The following SLF1 variants were observed in gnomAD, a reference collection of about 807,000 sequenced individuals.
The protein encoded by SLF1 is SMC5-SMC6 complex localization factor protein 1.
SLF1 carries 105 observed loss-of-function variants against 123.0 expected under a neutral mutation model. That is an observed-to-expected ratio of 0.85 (90% CI 0.73 to 1.00). The LOEUF (loss-of-function observed/expected upper bound fraction) is 1.00, where lower values mean the gene tolerates loss of function less well. SLF1 is among the 50% of genes least tolerant of loss of function. The pLI is 0.00. For synonymous variants in SLF1, 434 were observed against 406.6 expected (o/e 1.07, Z -0.81); for missense variants, 1,239 against 1,223.0 (o/e 1.01, Z -0.20).
intron 5 of SLF1, among the ~76,000 whole-genome samples, chr5:94,646,480 G>T (rs1389682885): frequency 6.6e-6 from 1 of 152,116 alleles, no homozygotes; most frequent in East Asian, 1.9e-4. Flanking sequence ...AAAAAGCATG[G>T]ACACTGTTAC....
intron 12 of SLF1, among the ~76,000 whole-genome samples, chr5:94,666,456 T>C (rs1317027581): frequency 6.6e-6 from 1 of 152,258 alleles, no homozygotes; most frequent in Non-Finnish European, 1.5e-5. Flanking sequence ...CAGAACTTAA[T>C]ATTTCCTAAA....
chr5:94,643,694 A>G lies in SLF1; in HGVS notation c.594+259A>G, dbSNP rs577386503. 4.6e-5 allele frequency among the ~76,000 whole-genome samples: 7 copies of G among 152,242 alleles called. No individual in the cohort carries two copies. The South Asian group carries it at 1.0e-3, about 23-fold the overall frequency. ...CAGTATAAATAAAGTAGTAGAATAT[A>G]TAGTATTATATAGTATTGTATGAGA... On this transcript the variant is annotated intron_variant, in intron 5 of 20. Coordinates refer to ENST00000265140, the MANE Select transcript of SLF1 (RefSeq NM_032290.4).
At chr5:94,694,273 T>C (rs1324500253) in intron 20 of SLF1, among the ~76,000 whole-genome samples, 1 of 151,954 alleles carries the variant, frequency 6.6e-6, no homozygotes, top group East Asian at 1.9e-4. Context: ...AGATCTGAGT[T>C]TGATCTAGAA....
intron 1 of SLF1, among the ~76,000 whole-genome samples, chr5:94,620,891 A>G (rs1791727188): frequency 1.3e-5 from 2 of 152,140 alleles, no homozygotes; most frequent in African/African-American, 2.4e-5. Flanking sequence ...CTGTCTGGTT[A>G]TTTTTGAGGA....
chr5:94,648,156 T>TA (rs1747279555), intron 5 of SLF1, among the ~76,000 whole-genome samples: 1 of 152,180 alleles, frequency 6.6e-6, no homozygotes, highest in East Asian at 1.9e-4. Context: ...ACCTGCAAGT[T>TA]ACACTTAACA....
intron 14 of SLF1, among the ~76,000 whole-genome samples, chr5:94,677,320 T>C (rs1751193088): frequency 6.6e-6 from 1 of 152,168 alleles, no homozygotes; most frequent in Non-Finnish European, 1.5e-5. Flanking sequence ...CGTCTAGGCT[T>C]GTTGGATATG....
rs888827104 is a variant in SLF1, at chr5:94,629,219, A to G, written c.190+52A>G. The G allele has an allele frequency of 5.1e-6, 7 of 1,378,466 alleles. No homozygotes were observed. The African/African-American group carries it at 8.7e-5, about 17-fold the overall frequency. 85.4% of individuals were successfully genotyped at this position (1,378,466 alleles called of 1,614,324 possible). A position where few individuals can be genotyped will look rare whatever the true frequency, so the allele number is the denominator to read the frequency against. On this transcript the variant is annotated intron_variant, in intron 3 of 20. Transcript: ENST00000265140. ...TTAAAAACAATCTTCGTGTTAAAGCAAAAGTATTTTAGTCTCTGGAGAGAT... is the reference window on the plus strand; with the variant it reads ...TTAAAAACAATCTTCGTGTTAAAGCGAAAGTATTTTAGTCTCTGGAGAGAT...
In SLF1 at chr5:94,668,297, C is replaced by A. The variant is rs181323949; in HGVS notation, c.1533-1854C>A. ...CTGGGACTACAGGTGCCCACCACCA[C>A]ACCTGGCCAATTTTGTTGTTGTGGT... is the stretch of plus-strand genomic sequence containing the variant. On this transcript the variant is annotated intron_variant, in intron 12 of 20. Coordinates refer to ENST00000265140, the MANE Select transcript of SLF1 (RefSeq NM_032290.4). 4.3e-3 allele frequency among the ~76,000 whole-genome samples: 649 copies of A among 152,254 alleles called. 7 individuals carry two copies. The highest frequency in any genetic ancestry group is 0.015 in the African/African-American group (618 of 41,544).
intron 17 of SLF1, among the ~76,000 whole-genome samples, 176 bp from the exon 18 acceptor site, chr5:94,689,297 C>CTGAA (rs1244019913): frequency 3.9e-5 from 6 of 152,028 alleles, no homozygotes; most frequent in Admixed American, 6.6e-5. Context: ...AATTAGTGCA[C>CTGAA]TGAAGTTTGT....
At position 94,666,953 on chromosome 5, in the gene SLF1, CTT is replaced by C. The variant is rs34215806; in HGVS notation, c.1532+951_1532+952del. Among the ~76,000 whole-genome samples the C allele has an allele frequency of 6.8e-4, 71 of 104,598 alleles. 1 individual carries two copies. Among genetic ancestry groups the C allele is most frequent in the Admixed American group, 1.1e-3 (10 of 9,102 alleles). The allele number at this position is 104,598 out of a possible 152,430, so 68.6% of individuals were successfully genotyped here. A position where few individuals can be genotyped will look rare whatever the true frequency, so the allele number is the denominator to read the frequency against. ...GACCATCACGCCTGGCTGGGAAGAT[CTT>C]TTTTTTTTTTTTTTTTTTTTTAATT... On this transcript the variant is annotated intron_variant, in intron 12 of 20. Coordinates refer to ENST00000265140, the MANE Select transcript of SLF1 (RefSeq NM_032290.4).
At chr5:94,646,238 A>G (rs1371869314) in intron 5 of SLF1, among the ~76,000 whole-genome samples, 1 of 152,082 alleles carries the variant, frequency 6.6e-6, no homozygotes, top group Non-Finnish European at 1.5e-5. Flanking sequence ...ACAGAGTGAG[A>G]CCTTGTCCCC....
chr5:94,694,130 A>T (rs1416237982), intron 20 of SLF1, among the ~76,000 whole-genome samples: 1 of 151,918 alleles, frequency 6.6e-6, no homozygotes, highest in Non-Finnish European at 1.5e-5. Flanking sequence ...GTACTCCTAT[A>T]CTTTGCTATG....
intron 4 of SLF1, among the ~76,000 whole-genome samples, chr5:94,632,979 G>T (rs942575847): frequency 6.6e-6 from 1 of 151,766 alleles, no homozygotes; most frequent in South Asian, 2.1e-4. Context: ...TTGAGCCACC[G>T]CGCCCGACCT....
chr5:94,621,393 G>T (rs1426656994), intron 1 of SLF1, among the ~76,000 whole-genome samples: 1 of 152,118 alleles, frequency 6.6e-6, no homozygotes, highest in Non-Finnish European at 1.5e-5. Context: ...TAGCACTTAT[G>T]TTGTGAAGAA....
chr5:94,645,746 A>C (rs752359695), intron 5 of SLF1, among the ~76,000 whole-genome samples: 2 of 152,210 alleles, frequency 1.3e-5, no homozygotes, highest in Non-Finnish European at 2.9e-5. Flanking sequence ...TTTAGAATAC[A>C]TTGTTTTATA....
intron 15 of SLF1, among the ~76,000 whole-genome samples, chr5:94,684,723 A>T (rs1007439423): frequency 7.1e-6 from 1 of 140,008 alleles, no homozygotes; most frequent in Admixed American, 7.1e-5. Flanking sequence ...AAAAAAAAAA[A>T]GTATCTCTGT....
chr5:94,671,308 A>G (rs1005866959), intron 14 of SLF1, among the ~76,000 whole-genome samples: 3 of 151,770 alleles, frequency 2.0e-5, no homozygotes, highest in Admixed American at 2.0e-4. Context: ...GAAGAACTTA[A>G]GATTTAAAAA....
chr5:94,697,435 T>G lies in SLF1; in HGVS notation c.*2123T>G, dbSNP rs538382087. 55 of 152,060 alleles carry G rather than the reference T, an allele frequency of 3.6e-4. No homozygotes were observed. The highest frequency in any genetic ancestry group is 1.3e-3 in the African/African-American group (55 of 41,526). 9.4% of individuals were successfully genotyped at this position (152,060 alleles called of 1,614,324 possible). Reference sequence around the variant, plus strand: ...AATAAGTAAAGTATAATTCATAGTCTTAGTCCTAGATTTTCAATGGCAGAC... The same window carrying G: ...AATAAGTAAAGTATAATTCATAGTCGTAGTCCTAGATTTTCAATGGCAGAC... On this transcript the variant is annotated 3_prime_UTR_variant, in exon 21 of 21. Coordinates refer to ENST00000265140, the MANE Select transcript of SLF1 (RefSeq NM_032290.4).
intron 10 of SLF1, among the ~76,000 whole-genome samples, 185 bp downstream of exon 10, chr5:94,662,536 A>G (rs944873134): frequency 1.8e-4 from 28 of 152,244 alleles, no homozygotes; most frequent in African/African-American, 6.8e-4. Flanking sequence ...AACTCCCCCA[A>G]AAATTTCCAT....
Sources: gnomAD v4.1 joint callset for allele counts (sites outside exome capture counted in the v4.1 genomes callset) on GRCh38, gnomAD v4.1.1 for gene constraint, MANE v1.5 for transcripts, NCBI Gene and HGNC (gene_info 2026-07-23, HGNC 2026-07-21) for gene names.